Variants in CLIP1 observed in about 807,000 individuals in gnomAD.
CLIP1 encodes CAP-Gly domain containing linker protein 1, also known as CAP-Gly domain-containing linker protein 1.
CLIP1 carries 66 observed loss-of-function variants against 161.6 expected under a neutral mutation model. That is an observed-to-expected ratio of 0.41 (90% CI 0.33 to 0.50). The LOEUF is 0.50. CLIP1 is among the 20% of genes least tolerant of loss of function. The probability of loss-of-function intolerance (pLI) is 0.27; values close to 1 mark genes in which losing one functional copy is unlikely to be tolerated. For synonymous variants in CLIP1, 598 were observed against 626.2 expected, an observed-to-expected ratio of 0.96 and a Z score of 0.67; for missense variants, 1,376 against 1,702.0, an observed-to-expected ratio of 0.81 and a Z score of 3.37.
At chr12:122,387,008 C>T (rs1006842348) in intron 1 of CLIP1, among the ~76,000 whole-genome samples, 10 of 152,142 alleles carry the variant, frequency 6.6e-5, no homozygotes, top group African/African-American at 2.2e-4. Context: ...CTCCCACCTT[C>T]GCCTCCCATG....
intron 21 of CLIP1, among the ~76,000 whole-genome samples, chr12:122,285,856 T>G (rs1955830303): frequency 6.8e-6 from 1 of 147,608 alleles, no homozygotes. Flanking sequence ...TACATAAGGG[T>G]TTTTTTTTTA....
At chr12:122,307,887 C>T (rs1418819498) in intron 20 of CLIP1, among the ~76,000 whole-genome samples, 1 of 152,212 alleles carries the variant, frequency 6.6e-6, no homozygotes, top group East Asian at 1.9e-4. Flanking sequence ...TTCACATACA[C>T]ATTATTTCTC....
At chr12:122,388,868 C>A (rs1955452414) in intron 1 of CLIP1, among the ~76,000 whole-genome samples, 1 of 152,140 alleles carries the variant, frequency 6.6e-6, no homozygotes, top group South Asian at 2.1e-4. Context: ...AACAACTGCA[C>A]CCAGCCCAGA....
At chr12:122,290,239 A>G (rs1956045135) in intron 20 of CLIP1, among the ~76,000 whole-genome samples, 1 of 152,164 alleles carries the variant, frequency 6.6e-6, no homozygotes, top group African/African-American at 2.4e-5. Flanking sequence ...TCTGAACATA[A>G]ATATCCCTTT....
intron 20 of CLIP1, among the ~76,000 whole-genome samples, chr12:122,304,907 T>C (rs1000909529): frequency 6.6e-6 from 1 of 152,218 alleles, no homozygotes. Context: ...GCTTTCCCTT[T>C]CTAAGCATTC....
chr12:122,414,359 AGG>A (rs1400082667), intron 1 of CLIP1, among the ~76,000 whole-genome samples: 5 of 151,980 alleles, frequency 3.3e-5, no homozygotes. Context: ...TGTGTTGCCC[AGG>A]CTGATCTCAA....
chr12:122,339,955 A>G (rs1337268189), intron 11 of CLIP1, among the ~76,000 whole-genome samples: 19 of 152,226 alleles, frequency 1.2e-4, no homozygotes, highest in Admixed American at 1.2e-3. Context: ...TACAAAAGGT[A>G]AAGATACCAT....
intron 1 of CLIP1, among the ~76,000 whole-genome samples, chr12:122,409,940 G>T (rs1204040745): frequency 2.1e-5 from 3 of 143,772 alleles, no homozygotes; most frequent in Non-Finnish European, 4.6e-5. Context: ...GTGAGATCTC[G>T]GCTCACTGAA....
chr12:122,354,275 G>T (rs1953211440), intron 7 of CLIP1, among the ~76,000 whole-genome samples, 178 bp downstream of exon 7: 1 of 151,868 alleles, frequency 6.6e-6, no homozygotes, highest in East Asian at 1.9e-4. Flanking sequence ...CATTCCTGTG[G>T]TCCCAGCTAC....
intron 1 of CLIP1, among the ~76,000 whole-genome samples, chr12:122,421,277 G>T (rs1181365623): frequency 1.3e-5 from 2 of 151,746 alleles, no homozygotes; most frequent in East Asian, 2.0e-4. Flanking sequence ...AGAAAAAAAG[G>T]CCCCAAGTCT....
chr12:122,341,230 T>C lies in CLIP1; in HGVS notation c.1974A>G (p.Glu658=). The change falls in exon 11 of 26, where the codon GAA becomes GAG. Residue 658 remains glutamate (E), a synonymous_variant. Coordinates refer to ENST00000620786, the MANE Select transcript of CLIP1 (RefSeq NM_001247997.2). The part of the protein sequence containing the change: ...GLGTETAEFA[E]LKTQIEKMRL... ...TCATTTTCTCTATTTGTGTTTTTAG[T>C]TCAGCAAATTCTGCCGTCTCTGTTC... 7 of 1,614,180 alleles carry C rather than the reference T, an allele frequency of 4.3e-6. No homozygotes were observed. The highest frequency in any genetic ancestry group is 5.9e-6 in the Non-Finnish European group (7 of 1,180,036).
At position 122,277,586 on chromosome 12, in the gene CLIP1, C is replaced by A. The variant is rs541822969; in HGVS notation, c.3966+568G>T. 3 of 152,186 alleles carry A rather than the reference C, an allele frequency of 2.0e-5. No homozygotes were observed. In the East Asian group the frequency reaches 5.8e-4, roughly 29 times the overall value. The allele number at this position is 152,186 out of a possible 1,614,324, so 9.4% of individuals were successfully genotyped here. A position where few individuals can be genotyped will look rare whatever the true frequency, so the allele number is the denominator to read the frequency against. Reference sequence around the variant, plus strand: ...TTTTAAGGTTCAGATGAGTAACAAACCCTTTGACAGAGCAATTCTACTTCT... The same window carrying A: ...TTTTAAGGTTCAGATGAGTAACAAAACCTTTGACAGAGCAATTCTACTTCT... On this transcript the variant is annotated intron_variant, in intron 24 of 25. Coordinates refer to ENST00000620786, the MANE Select transcript of CLIP1 (RefSeq NM_001247997.2).
chr12:122,393,070 C>T (rs1026092970), intron 1 of CLIP1, among the ~76,000 whole-genome samples: 1 of 152,032 alleles, frequency 6.6e-6, no homozygotes, highest in African/African-American at 2.4e-5. Flanking sequence ...GTGTGAACCA[C>T]CACACCCAGC....
Position 122,272,870 on chromosome 12 carries a change from C to T in CLIP1, c.*5G>A. 5 of 1,613,876 alleles carry T rather than the reference C, an allele frequency of 3.1e-6. No individual in the cohort carries two copies. The highest frequency in any genetic ancestry group is 4.2e-6 in the Non-Finnish European group (5 of 1,179,744). The stretch of plus-strand genomic sequence containing the variant: ...AGCAAGCCCAGTTCTCCACTGGAGG[C>T]TTCATCAGAAGGTTTCGTCGTCATT... On this transcript the variant is annotated 3_prime_UTR_variant, in exon 26 of 26. Coordinates refer to ENST00000620786, the MANE Select transcript of CLIP1 (RefSeq NM_001247997.2).
intron 1 of CLIP1, among the ~76,000 whole-genome samples, chr12:122,385,195 T>C (rs1955200174): frequency 6.6e-6 from 1 of 151,844 alleles, no homozygotes. Context: ...CCTCCTAAAG[T>C]GTTGGGGTTA....
At chr12:122,312,224 T>C (rs1014240264) in intron 19 of CLIP1, among the ~76,000 whole-genome samples, 1 of 152,264 alleles carries the variant, frequency 6.6e-6, no homozygotes, top group Non-Finnish European at 1.5e-5. Flanking sequence ...GTACATTTAC[T>C]ACTGTGCCAG....
Position 122,341,029 on chromosome 12 carries a change from G to A in CLIP1, c.2175C>T (p.Leu725=), listed in dbSNP as rs761277704. ...SKLDKAEDQH[L]VEMEDTLNKL... ...TGTTTAACGTGTCTTCCATTTCTAC[G>A]AGATGCTGGTCTTCTGCTTTGTCCA... The change falls in exon 11 of 26, where the codon CTC becomes CTT. Residue 725 remains leucine (L), a synonymous_variant. Coordinates refer to ENST00000620786, the MANE Select transcript of CLIP1 (RefSeq NM_001247997.2). 2.9e-5 allele frequency: 47 copies of A among 1,613,720 alleles called. No homozygotes were observed. Among genetic ancestry groups the A allele is most frequent in the Non-Finnish European group, 3.5e-5 (41 of 1,180,030 alleles).
At chr12:122,337,376 G>A (rs1274985160) in intron 11 of CLIP1, among the ~76,000 whole-genome samples, 1 of 151,616 alleles carries the variant, frequency 6.6e-6, no homozygotes, top group Non-Finnish European at 1.5e-5. Flanking sequence ...GAGCCTGGGA[G>A]GCGGAGGTTG....
At chr12:122,316,720 TA>T (rs1420082092) in intron 19 of CLIP1, 28 bp downstream of exon 19, 2 of 1,277,914 alleles carry the variant, frequency 1.6e-6, no homozygotes, top group South Asian at 1.4e-5. Context: ...ATAAATTCCA[TA>T]TTTTTTTCTC....
Sources: allele counts gnomAD v4.1 joint callset (sites outside exome capture counted in the v4.1 genomes callset), GRCh38; gene constraint gnomAD v4.1.1; transcripts MANE v1.5; gene names NCBI Gene and HGNC (gene_info 2026-07-23, HGNC 2026-07-21).